CDK14: variants seen among roughly 807,000 people sequenced by gnomAD.
CDK14 encodes the protein cyclin dependent kinase 14.
In CDK14, 34 loss-of-function variants were observed where a neutral mutation model predicts 60.7. The observed-to-expected ratio is 0.56, with a 90% CI of 0.43 to 0.75. CDK14 has a LOEUF of 0.75. Among genes scored for constraint, CDK14 ranks in the 30% least tolerant of loss-of-function variants. CDK14 has a pLI of 0.00. For synonymous variants in CDK14, 197 were observed against 203.7 expected (o/e 0.97, Z 0.28); for missense variants, 482 against 564.1 (o/e 0.85, Z 1.47).
intron 2 of CDK14, among the ~76,000 whole-genome samples, chr7:90,720,050 T>C (rs985853709): frequency 1.3e-5 from 2 of 152,218 alleles, no homozygotes; most frequent in African/African-American, 4.8e-5. Context: ...AACAAATCTT[T>C]ACTGGACTCT....
chr7:90,679,409 C>A (rs1488715925), intron 2 of CDK14, among the ~76,000 whole-genome samples: 1 of 152,140 alleles, frequency 6.6e-6, no homozygotes, highest in Non-Finnish European at 1.5e-5. Flanking sequence ...TGAAGTATTT[C>A]TATGTGTGTT....
At chr7:90,601,553 CT>C (rs1197687435) in intron 1 of CDK14, among the ~76,000 whole-genome samples, 1 of 152,184 alleles carries the variant, frequency 6.6e-6, no homozygotes, top group East Asian at 1.9e-4. Context: ...AGCAAATACA[CT>C]TGCAGTTTCT....
intron 5 of CDK14, among the ~76,000 whole-genome samples, chr7:90,832,426 C>T (rs1562790773): frequency 6.6e-6 from 1 of 152,148 alleles, no homozygotes. Context: ...GGACCCATAG[C>T]TGATTGACTT....
intron 2 of CDK14, among the ~76,000 whole-genome samples, chr7:90,673,121 T>C (rs887597823): frequency 1.3e-5 from 2 of 152,224 alleles, no homozygotes; most frequent in African/African-American, 4.8e-5. Flanking sequence ...TAAGGAATTA[T>C]TAAATTAGTT....
intron 10 of CDK14, among the ~76,000 whole-genome samples, chr7:91,042,342 G>T (rs973277307): frequency 6.6e-6 from 1 of 151,818 alleles, no homozygotes; most frequent in Non-Finnish European, 1.5e-5. Flanking sequence ...ACCCTCTCCC[G>T]GTAGCATTTC....
intron 5 of CDK14, among the ~76,000 whole-genome samples, chr7:90,820,531 G>A (rs1051957786): frequency 2.6e-5 from 4 of 152,118 alleles, no homozygotes; most frequent in East Asian, 3.9e-4. Context: ...TGTAAGATAT[G>A]CCTTTCTTCT....
chr7:91,167,011 T>C (rs1801366374), intron 14 of CDK14, among the ~76,000 whole-genome samples: 1 of 152,230 alleles, frequency 6.6e-6, no homozygotes, highest in South Asian at 2.1e-4. Context: ...GAGTTATAAT[T>C]GGGCCTTTAG....
intron 11 of CDK14, among the ~76,000 whole-genome samples, chr7:91,064,495 G>A (rs1185515008): frequency 6.6e-6 from 1 of 152,184 alleles, no homozygotes; most frequent in African/African-American, 2.4e-5. Context: ...GGATTACAGT[G>A]AGTTCATATT....
At chr7:90,659,875 C>CTCTG (rs1235758434) in intron 2 of CDK14, among the ~76,000 whole-genome samples, 59 of 129,042 alleles carry the variant, frequency 4.6e-4, no homozygotes, top group Non-Finnish European at 7.2e-4. Context: ...CTCTCTCTCT[C>CTCTG]TGTGTGTGTG....
intron 2 of CDK14, among the ~76,000 whole-genome samples, chr7:90,623,343 G>A (rs1023594016): frequency 6.6e-6 from 1 of 151,982 alleles, no homozygotes; most frequent in Non-Finnish European, 1.5e-5. Context: ...TTAAGAAATG[G>A]GCAGCTGTTT....
chr7:90,975,005 G>T (rs891469170), intron 9 of CDK14, among the ~76,000 whole-genome samples: 3 of 152,078 alleles, frequency 2.0e-5, no homozygotes, highest in Admixed American at 1.3e-4. Flanking sequence ...CCAAATCTTT[G>T]TTCTGAGAAA....
intron 6 of CDK14, among the ~76,000 whole-genome samples, chr7:90,867,553 T>C (rs1202276492): frequency 1.3e-5 from 2 of 152,202 alleles, no homozygotes; most frequent in Non-Finnish European, 2.9e-5. Flanking sequence ...GCAGCATTTT[T>C]CATTACATAT....
intron 11 of CDK14, among the ~76,000 whole-genome samples, chr7:91,071,259 T>G (rs1366265376): frequency 6.6e-6 from 1 of 152,214 alleles, no homozygotes; most frequent in African/African-American, 2.4e-5. Context: ...GATGGCCGAC[T>G]AGAAGCAGTG....
chr7:91,054,294 A>G (rs1797490250), intron 11 of CDK14, among the ~76,000 whole-genome samples: 2 of 152,112 alleles, frequency 1.3e-5, no homozygotes, highest in Non-Finnish European at 2.9e-5. Context: ...ATTATTACGT[A>G]AATATCTGCT....
At chr7:90,656,672 C>T (rs1368454043) in intron 2 of CDK14, among the ~76,000 whole-genome samples, 2 of 152,178 alleles carry the variant, frequency 1.3e-5, no homozygotes, top group Non-Finnish European at 2.9e-5. Context: ...GCCACCGCGC[C>T]CCGCCTTCTC....
At chr7:90,909,476 T>TA (rs949320422) in intron 7 of CDK14, among the ~76,000 whole-genome samples, 33 of 122,904 alleles carry the variant, frequency 2.7e-4, no homozygotes, top group African/African-American at 1.0e-3. Context: ...CAAAGCCCAA[T>TA]AACTTGGAAA....
At chr7:90,963,110 TG>T (rs1562847394) in intron 9 of CDK14, among the ~76,000 whole-genome samples, 1 of 151,488 alleles carries the variant, frequency 6.6e-6, no homozygotes, top group Admixed American at 6.6e-5. Context: ...TGTGTGTGTG[TG>T]TGTGTGTGTG....
At chr7:90,680,765 A>C (rs1280216525) in intron 2 of CDK14, among the ~76,000 whole-genome samples, 1 of 152,230 alleles carries the variant, frequency 6.6e-6, no homozygotes, top group African/African-American at 2.4e-5. Flanking sequence ...GTGGCAGTGC[A>C]TAAAAGTTAG....
chr7:90,681,190 T>A (rs1563042592), intron 2 of CDK14, among the ~76,000 whole-genome samples: 1 of 152,224 alleles, frequency 6.6e-6, no homozygotes, highest in African/African-American at 2.4e-5. Context: ...CAAACTATTA[T>A]ATATCGCCTG....
Sources: allele counts gnomAD v4.1 joint callset (sites outside exome capture counted in the v4.1 genomes callset), GRCh38; gene constraint gnomAD v4.1.1; transcripts MANE v1.5; gene names NCBI Gene and HGNC (gene_info 2026-07-23, HGNC 2026-07-21).